Variants in AFF2 observed in about 807,000 individuals in gnomAD.
The protein encoded by AFF2 is ALF transcription elongation factor 2.
In AFF2, 14 loss-of-function variants were observed where a neutral mutation model predicts 76.9. The observed-to-expected ratio is 0.18, with a 90% CI of 0.12 to 0.28. AFF2 has a LOEUF of 0.28. AFF2 is among the 10% of genes least tolerant of loss of function. The pLI is 1.00. For missense variants in AFF2, 868 were observed against 1,001.1 expected (o/e 0.87, Z 1.79); for synonymous variants, 398 against 366.7 (o/e 1.09, Z -0.98).
At chrX:148,647,428 C>T (rs2054154810) in intron 1 of AFF2, among the ~76,000 whole-genome samples, 2 of 110,995 alleles carry the variant, frequency 1.8e-5, no homozygotes. Flanking sequence ...ATATATGAAC[C>T]AAATGGACTG....
chrX:148,657,735 C>T (rs1410299108), intron 2 of AFF2, among the ~76,000 whole-genome samples: 3 of 111,972 alleles, frequency 2.7e-5, no homozygotes, highest in Non-Finnish European at 5.6e-5. Context: ...AAAGAATCAA[C>T]CAATTATCTA....
intron 3 of AFF2, among the ~76,000 whole-genome samples, chrX:148,736,388 CAT>C (rs1345624092): frequency 8.9e-6 from 1 of 111,733 alleles, no homozygotes; most frequent in Non-Finnish European, 1.9e-5. Context: ...GCATTTTTTT[CAT>C]ATGTTTGTTG....
At chrX:148,619,750 A>C (rs1338311779) in intron 1 of AFF2, among the ~76,000 whole-genome samples, 1 of 111,646 alleles carries the variant, frequency 9.0e-6, no homozygotes, top group Non-Finnish European at 1.9e-5. Flanking sequence ...TATGTACCCA[A>C]ATATATAACA....
intron 1 of AFF2, among the ~76,000 whole-genome samples, chrX:148,526,387 T>C (rs1174044005): frequency 9.4e-6 from 1 of 106,393 alleles, no homozygotes; most frequent in Non-Finnish European, 1.9e-5. Context: ...TTTTTTTTTT[T>C]TGATGCACAA....
intron 9 of AFF2, among the ~76,000 whole-genome samples, chrX:148,925,315 A>T (rs782467420): frequency 8.9e-6 from 1 of 112,948 alleles, no homozygotes; most frequent in African/African-American, 3.2e-5. Flanking sequence ...AATAATTTGA[A>T]CTTTTTAACC....
At chrX:148,591,287 T>C (rs1454960622) in intron 1 of AFF2, among the ~76,000 whole-genome samples, 2 of 111,781 alleles carry the variant, frequency 1.8e-5, no homozygotes, top group African/African-American at 6.5e-5. Context: ...CACTTGACTA[T>C]ATGTGGAAGC....
intron 20 of AFF2, among the ~76,000 whole-genome samples, chrX:148,989,260 A>G (rs1299012399): frequency 1.5e-4 from 17 of 112,463 alleles, no homozygotes; most frequent in African/African-American, 4.5e-4. Context: ...GGGCAGTTCA[A>G]TATTTATGGA....
At chrX:148,630,272 C>A (rs1426785602) in intron 1 of AFF2, among the ~76,000 whole-genome samples, 3 of 111,999 alleles carry the variant, frequency 2.7e-5, no homozygotes, top group African/African-American at 9.7e-5. Context: ...ATTAAAGTCC[C>A]TCACTGGGCT....
intron 4 of AFF2, among the ~76,000 whole-genome samples, chrX:148,817,501 G>A (rs1367700292): frequency 4.5e-5 from 5 of 111,329 alleles, no homozygotes; most frequent in South Asian, 3.8e-4. Flanking sequence ...TAACAAAAGC[G>A]TCACTCCCAG....
intron 3 of AFF2, among the ~76,000 whole-genome samples, chrX:148,701,342 T>C (rs1389717921): frequency 9.0e-6 from 1 of 111,337 alleles, no homozygotes; most frequent in Non-Finnish European, 1.9e-5. Context: ...AAAGTGCTTT[T>C]TAAAAATGGC....
At chrX:148,860,726 T>C (rs1187687156) in intron 7 of AFF2, among the ~76,000 whole-genome samples, 1 of 112,064 alleles carries the variant, frequency 8.9e-6, no homozygotes, top group Non-Finnish European at 1.9e-5. Flanking sequence ...TTTACAGCAA[T>C]ATGTAAATTG....
chrX:148,652,753 T>C (rs2054214835), intron 2 of AFF2, among the ~76,000 whole-genome samples: 1 of 111,855 alleles, frequency 8.9e-6, no homozygotes, highest in South Asian at 3.7e-4. Context: ...ATCAAACTGC[T>C]GTGTCTACAA....
At chrX:148,681,536 ATGTGTGTG>A (rs35711893) in intron 3 of AFF2, among the ~76,000 whole-genome samples, 27 of 97,992 alleles carry the variant, frequency 2.8e-4, no homozygotes, top group African/African-American at 5.7e-4. Flanking sequence ...GTGCTAAAAG[ATGTGTGTG>A]TGTGTGTGTG....
At chrX:148,664,750 G>A (rs1449095566) in intron 3 of AFF2, among the ~76,000 whole-genome samples, 1 of 112,312 alleles carries the variant, frequency 8.9e-6, no homozygotes, top group African/African-American at 3.2e-5. Context: ...TTCAAAAATG[G>A]TTACTTGATT....
At chrX:148,637,054 T>C (rs2054039099) in intron 1 of AFF2, among the ~76,000 whole-genome samples, 1 of 111,843 alleles carries the variant, frequency 8.9e-6, no homozygotes. Context: ...TCATTAAAAA[T>C]ATTAGGGACC....
intron 3 of AFF2, among the ~76,000 whole-genome samples, chrX:148,802,025 T>C (rs782656461): frequency 3.7e-4 from 42 of 112,261 alleles, no homozygotes; most frequent in African/African-American, 1.3e-3. Context: ...GCACTTTTTC[T>C]TCTAGGCTAT....
Position 148,854,416 on chromosome X carries a change from G to A in AFF2, c.1262+10983G>A, listed in dbSNP as rs5980598. Among the ~76,000 whole-genome samples, 612 of 111,371 alleles carry A rather than the reference G, an allele frequency of 5.5e-3. 4 individuals are homozygous for A. The highest frequency in any genetic ancestry group is 0.019 in the African/African-American group (591 of 30,694). ...ATTTATGCTATTCAGAAAGAAATGT[G>A]ATACTCAGTATTCACGGTGGCAAGA... On this transcript the variant is annotated intron_variant, in intron 7 of 20. Coordinates refer to ENST00000370460, the MANE Select transcript of AFF2 (RefSeq NM_002025.4).
Position 148,956,100 on chromosome X carries a change from A to G in AFF2, c.2055A>G (p.Arg685=). ...AHKPAPRKEP[R]PNIPLAPEKK... is the part of the protein sequence containing the mutation. ...AACCAGCCCCTAGGAAAGAACCAAG[A>G]CCTAACATCCCTTTGGCTCCCGAGA... Residue 685 remains arginine, a synonymous_variant, in exon 11 of 21, where the codon AGA becomes AGG. Transcript: ENST00000370460. 1 of 1,210,352 alleles carries G rather than the reference A, an allele frequency of 8.3e-7. No homozygotes were observed. The highest frequency in any genetic ancestry group is 1.1e-6 in the Non-Finnish European group (1 of 895,120).
At chrX:148,778,657 C>T (rs1404900486) in intron 3 of AFF2, among the ~76,000 whole-genome samples, 2 of 111,485 alleles carry the variant, frequency 1.8e-5, no homozygotes, top group Non-Finnish European at 3.8e-5. Flanking sequence ...ATAGTATTCT[C>T]TGATGATAGT....
Sources: gnomAD v4.1 joint callset for allele counts (sites outside exome capture counted in the v4.1 genomes callset) on GRCh38, gnomAD v4.1.1 for gene constraint, MANE v1.5 for transcripts, NCBI Gene and HGNC (gene_info 2026-07-23, HGNC 2026-07-21) for gene names.